USP34: variants seen among roughly 807,000 people sequenced by gnomAD.
USP34 encodes the protein ubiquitin specific peptidase 34, also known as ubiquitin carboxyl-terminal hydrolase 34.
A neutral mutation model predicts 460.3 loss-of-function variants in USP34; 70 were observed. The observed-to-expected ratio is 0.15, with a 90% CI of 0.13 to 0.19. The LOEUF is 0.19. USP34 is among the 10% of genes least tolerant of loss of function. The pLI is 1.00. For synonymous variants in USP34, 1,647 were observed against 1,405.3 expected, an observed-to-expected ratio of 1.17 and a Z score of -3.85; for missense variants, 3,985 against 4,236.2, an observed-to-expected ratio of 0.94 and a Z score of 1.65.
At chr2:61,450,124 G>A (rs1695228929) in intron 1 of USP34, among the ~76,000 whole-genome samples, 1 of 151,986 alleles carries the variant, frequency 6.6e-6, no homozygotes, top group African/African-American at 2.4e-5. Flanking sequence ...TGAAGTACTG[G>A]CATATGCTAC....
At chr2:61,287,028 G>C (rs1689711099) in intron 34 of USP34, among the ~76,000 whole-genome samples, 1 of 152,094 alleles carries the variant, frequency 6.6e-6, no homozygotes, top group African/African-American at 2.4e-5. Flanking sequence ...AGTAATGTAA[G>C]GTTACTAAAG....
chr2:61,346,003 G>A (rs1023475503), intron 15 of USP34, among the ~76,000 whole-genome samples: 47 of 152,150 alleles, frequency 3.1e-4, no homozygotes, highest in African/African-American at 1.0e-3. Flanking sequence ...ACATTATTTG[G>A]TATATTTCAC....
intron 27 of USP34, among the ~76,000 whole-genome samples, chr2:61,304,984 C>G (rs1006023326): frequency 6.6e-6 from 1 of 152,062 alleles, no homozygotes; most frequent in African/African-American, 2.4e-5. Context: ...ACTGAAAACA[C>G]ACGTCATTTT....
At chr2:61,197,824 A>C (rs950046244) in intron 75 of USP34, among the ~76,000 whole-genome samples, 5 of 152,176 alleles carry the variant, frequency 3.3e-5, no homozygotes, top group Non-Finnish European at 5.9e-5. Context: ...CAGTGGCTCC[A>C]TCTCAGCTCA....
At chr2:61,464,960 G>A (rs996114533) in intron 1 of USP34, among the ~76,000 whole-genome samples, 2 of 151,814 alleles carry the variant, frequency 1.3e-5, no homozygotes, top group Non-Finnish European at 1.5e-5. Flanking sequence ...ACAAGCAGAG[G>A]AACAGAAATT....
intron 75 of USP34, among the ~76,000 whole-genome samples, chr2:61,202,400 G>A (rs983837190): frequency 3.9e-5 from 6 of 152,100 alleles, no homozygotes; most frequent in African/African-American, 1.4e-4. Context: ...AAGTCAAGAG[G>A]GAGGACACAG....
intron 41 of USP34, 67 bp downstream of exon 41, chr2:61,278,098 T>C (rs1689426142): frequency 6.3e-7 from 1 of 1,578,390 alleles, no homozygotes; most frequent in South Asian, 1.1e-5. Flanking sequence ...AACGGACTAA[T>C]ACACAATGTA....
chr2:61,402,053 C>T (rs1006457407), intron 3 of USP34, among the ~76,000 whole-genome samples: 1 of 151,598 alleles, frequency 6.6e-6, no homozygotes, highest in Non-Finnish European at 1.5e-5. Context: ...GAGTTCGAGA[C>T]CAGGCTGGTC....
At chr2:61,259,395 C>T (rs1240292805) in intron 44 of USP34, among the ~76,000 whole-genome samples, 1 of 148,788 alleles carries the variant, frequency 6.7e-6, no homozygotes, top group African/African-American at 2.5e-5. Context: ...CTCCATGTTT[C>T]TTTTTTTTTT....
Position 61,349,557 on chromosome 2 carries a change from C to A in USP34, c.1508-272G>T, listed in dbSNP as rs546260415. On this transcript the variant is annotated intron_variant, in intron 12 of 79. Coordinates refer to ENST00000398571, the MANE Select transcript of USP34 (RefSeq NM_014709.4). ...CTATGTATGTTAAAAAAAATACCCA[C>A]TGGCCAGATGCAGTGGGTCACGCCT... Among the ~76,000 whole-genome samples, 21 of 152,194 alleles carry A rather than the reference C, an allele frequency of 1.4e-4. No individual in the cohort carries two copies. In the South Asian group the frequency reaches 3.9e-3, roughly 29 times the overall value.
chr2:61,373,085 T>C (rs1315089551), intron 8 of USP34, among the ~76,000 whole-genome samples: 1 of 152,224 alleles, frequency 6.6e-6, no homozygotes. Flanking sequence ...CCATGTTTTT[T>C]ATCTTATTTT....
chr2:61,217,318 A>C (rs1157900810), intron 67 of USP34, among the ~76,000 whole-genome samples: 1 of 152,202 alleles, frequency 6.6e-6, no homozygotes, highest in Non-Finnish European at 1.5e-5. Flanking sequence ...TCTATATGGC[A>C]ACTCTAAGAC....
intron 2 of USP34, among the ~76,000 whole-genome samples, chr2:61,414,250 T>A (rs2593622): frequency 2.6e-5 from 4 of 151,372 alleles, no homozygotes; most frequent in Non-Finnish European, 2.9e-5. Context: ...TCCATCTCTA[T>A]AAAATAAATA....
intron 1 of USP34, among the ~76,000 whole-genome samples, chr2:61,433,735 T>C (rs1194994530): frequency 1.3e-5 from 2 of 152,082 alleles, no homozygotes; most frequent in African/African-American, 2.4e-5. Context: ...ACTGCCCAAA[T>C]TAGGAGCACA....
intron 3 of USP34, among the ~76,000 whole-genome samples, chr2:61,399,343 C>CAA (rs137914061): frequency 1.3e-4 from 12 of 89,908 alleles, no homozygotes; most frequent in Admixed American, 2.4e-4. Flanking sequence ...AACTCCGTCT[C>CAA]AAAAAAAAAA....
intron 66 of USP34, 37 bp from the exon 67 acceptor site, chr2:61,220,494 A>G: frequency 6.5e-7 from 1 of 1,543,722 alleles, no homozygotes; most frequent in South Asian, 1.3e-5. Context: ...TATAAGGCCA[A>G]CTGAATGAGC....
At chr2:61,360,876 C>T (rs1383593101) in intron 10 of USP34, among the ~76,000 whole-genome samples, 1 of 152,142 alleles carries the variant, frequency 6.6e-6, no homozygotes, top group South Asian at 2.1e-4. Context: ...AGGCTAGTCT[C>T]GAACTTCTGA....
At chr2:61,298,043 A>G (rs774246417) in intron 29 of USP34, among the ~76,000 whole-genome samples, 4 of 152,182 alleles carry the variant, frequency 2.6e-5, no homozygotes, top group Non-Finnish European at 5.9e-5. Flanking sequence ...TCTATGCAAA[A>G]AAGGATTAGA....
At position 61,377,738 on chromosome 2, in the gene USP34, C is replaced by G. The variant is rs1177588913; in HGVS notation, c.1076+625G>C. Among the ~76,000 whole-genome samples the G allele has an allele frequency of 1.3e-5, 2 of 152,208 alleles. 1 individual carries two copies. The highest frequency in any genetic ancestry group is 1.3e-4 in the Admixed American group (2 of 15,272). On this transcript the variant is annotated intron_variant, in intron 8 of 79. Transcript: ENST00000398571. ...TGTTGTTTATAAGTCATCCAATCTA[C>G]AGTACTTTGTTACAGCAGCCTGGAC...
Sources: gnomAD v4.1 joint callset for allele counts (sites outside exome capture counted in the v4.1 genomes callset) on GRCh38, gnomAD v4.1.1 for gene constraint, MANE v1.5 for transcripts, NCBI Gene and HGNC (gene_info 2026-07-23, HGNC 2026-07-21) for gene names.